The following ATP8B4 variants were observed in gnomAD, a reference collection of about 807,000 sequenced individuals.
The protein encoded by ATP8B4 is ATPase phospholipid transporting 8B4 (putative), also known as probable phospholipid-transporting ATPase IM.
A neutral mutation model predicts 145.6 loss-of-function variants in ATP8B4; 133 were observed. The observed-to-expected ratio is 0.91, with a 90% CI of 0.79 to 1.05. The LOEUF (loss-of-function observed/expected upper bound fraction) is 1.05. Ranked by LOEUF, ATP8B4 falls within the 50% of genes least tolerant of loss-of-function variation. ATP8B4 has a pLI of 0.00. For synonymous variants in ATP8B4, 507 were observed against 492.9 expected (o/e 1.03, Z -0.38); for missense variants, 1,458 against 1,425.2 (o/e 1.02, Z -0.37).
At chr15:50,088,423 ACTCCAGCCTCAGTGGCCT>A (rs1379308596) in intron 2 of ATP8B4, among the ~76,000 whole-genome samples, 1 of 151,510 alleles carries the variant, frequency 6.6e-6, no homozygotes, top group African/African-American at 2.4e-5. Flanking sequence ...TCTTCATTCA[ACTCCAGCCTCAGTGGCCT>A]CTTGTTCCTT....
chr15:49,931,833 A>T (rs1029896279), intron 15 of ATP8B4, among the ~76,000 whole-genome samples: 2 of 151,974 alleles, frequency 1.3e-5, no homozygotes, highest in Non-Finnish European at 2.9e-5. Context: ...GTCTGCCACT[A>T]ATGACCATTT....
intron 25 of ATP8B4, among the ~76,000 whole-genome samples, chr15:49,873,337 A>G (rs28679738): frequency 0.088 from 13,363 of 152,288 alleles, 1,653 homozygotes; most frequent in African/African-American, 0.27. Flanking sequence ...TATGTACTAC[A>G]TGAAACTTTG....
rs1447848433 is a variant in ATP8B4, at chr15:49,979,796, T to C, written c.855A>G (p.Ile285Met). Residue 285 changes from isoleucine (I) to methionine (M), a missense_variant, in exon 12 of 28, where the codon ATA becomes ATG. Transcript: ENST00000284509. Reference sequence around the variant, plus strand: ...CTATTGCAAGAATAATTCCCAAGCATATCAGAAACCCAAAAATCTGAAATA... The same window carrying C: ...CTATTGCAAGAATAATTCCCAAGCACATCAGAAACCCAAAAATCTGAAATA... ...TLVLWIFGFLICLGIILAIGN... is the reference protein window; with the variant it reads ...TLVLWIFGFLMCLGIILAIGN... 6 of 1,588,140 alleles carry C rather than the reference T, an allele frequency of 3.8e-6. No individual in the cohort carries two copies. The highest frequency in any genetic ancestry group is 5.2e-6 in the Non-Finnish European group (6 of 1,164,904).
chr15:49,937,789 T>G (rs1010897785), intron 14 of ATP8B4, among the ~76,000 whole-genome samples: 2 of 152,186 alleles, frequency 1.3e-5, no homozygotes, highest in Non-Finnish European at 2.9e-5. Context: ...TTTCAGGATA[T>G]ATCAGCCATT....
At chr15:50,100,246 A>C (rs1442438275) in intron 2 of ATP8B4, among the ~76,000 whole-genome samples, 2 of 152,106 alleles carry the variant, frequency 1.3e-5, no homozygotes, top group Non-Finnish European at 2.9e-5. Context: ...GCAGACGTGA[A>C]CTTTCTCACT....
chr15:49,936,925 T>G (rs2041787295), intron 14 of ATP8B4, among the ~76,000 whole-genome samples: 1 of 152,002 alleles, frequency 6.6e-6, no homozygotes, highest in Non-Finnish European at 1.5e-5. Context: ...GTCAAGATTT[T>G]TTTTTTTAAT....
intron 3 of ATP8B4, among the ~76,000 whole-genome samples, chr15:50,068,428 G>T (rs760728018): frequency 6.6e-6 from 1 of 152,136 alleles, no homozygotes; most frequent in Non-Finnish European, 1.5e-5. Context: ...TATCAACAAG[G>T]CATTTGCAGA....
intron 2 of ATP8B4, among the ~76,000 whole-genome samples, chr15:50,096,960 C>T (rs1303328143): frequency 6.6e-6 from 1 of 152,054 alleles, no homozygotes; most frequent in South Asian, 2.1e-4. Context: ...GCCAGCACCA[C>T]GTGGTACTTC....
At chr15:50,012,560 C>T (rs2048795182) in intron 6 of ATP8B4, among the ~76,000 whole-genome samples, 1 of 152,166 alleles carries the variant, frequency 6.6e-6, no homozygotes, top group Non-Finnish European at 1.5e-5. Context: ...ATTGGACACA[C>T]TTTTCAGGTT....
intron 1 of ATP8B4, among the ~76,000 whole-genome samples, chr15:50,133,124 A>G (rs2044071453): frequency 6.6e-6 from 1 of 152,208 alleles, no homozygotes; most frequent in South Asian, 2.1e-4. Context: ...AAAAAACTTG[A>G]AGTTTTGTAC....
At position 50,096,910 on chromosome 15, in the gene ATP8B4, T is replaced by G. The variant is rs558091700; in HGVS notation, c.28+10029A>C. Among the ~76,000 whole-genome samples, 3 of 152,298 alleles carry G rather than the reference T, an allele frequency of 2.0e-5. No individual in the cohort carries two copies. In the South Asian group the frequency reaches 6.2e-4, roughly 32 times the overall value. On this transcript the variant is annotated intron_variant, in intron 2 of 27. Transcript: ENST00000284509. ...CAGAACCCCAAAGTTATGAGAGGGC[T>G]TTTGTGAAGCCAGCACTGTCTTATG...
At chr15:50,003,194 C>T (rs2048033978) in intron 7 of ATP8B4, among the ~76,000 whole-genome samples, 1 of 151,502 alleles carries the variant, frequency 6.6e-6, no homozygotes, top group South Asian at 2.1e-4. Context: ...GTTCTTGAAT[C>T]TTGGGGGTTA....
At chr15:50,133,911 G>A (rs766742440) in intron 1 of ATP8B4, among the ~76,000 whole-genome samples, 1 of 152,254 alleles carries the variant, frequency 6.6e-6, no homozygotes, top group East Asian at 1.9e-4. Flanking sequence ...CAAGGCAGGA[G>A]GATCGCTGAG....
At chr15:49,951,540 A>C (rs1415024707) in intron 14 of ATP8B4, among the ~76,000 whole-genome samples, 1 of 150,728 alleles carries the variant, frequency 6.6e-6, no homozygotes, top group Non-Finnish European at 1.5e-5. Flanking sequence ...TTTGCTTTCC[A>C]TTTTCTTGAT....
intron 3 of ATP8B4, among the ~76,000 whole-genome samples, chr15:50,053,392 T>A (rs992233157): frequency 1.3e-5 from 2 of 152,210 alleles, no homozygotes; most frequent in African/African-American, 4.8e-5. Flanking sequence ...AAAGCAGTTA[T>A]CTCTTCTGCT....
intron 11 of ATP8B4, 88 bp downstream of exon 11, chr15:49,981,118 T>C: frequency 8.8e-7 from 1 of 1,137,216 alleles, no homozygotes; most frequent in Non-Finnish European, 1.3e-6. Context: ...ACAAGGAGAA[T>C]GTAGGCTTCT....
At chr15:50,155,702 T>C (rs1249521160) in intron 1 of ATP8B4, among the ~76,000 whole-genome samples, 1 of 152,136 alleles carries the variant, frequency 6.6e-6, no homozygotes, top group Non-Finnish European at 1.5e-5. Context: ...TATGTACATA[T>C]GCATAAATAT....
At chr15:50,107,613 A>G (rs2056748930) in intron 1 of ATP8B4, among the ~76,000 whole-genome samples, 1 of 152,188 alleles carries the variant, frequency 6.6e-6, no homozygotes, top group Non-Finnish European at 1.5e-5. Context: ...TAAATGAAGG[A>G]GCAAACAAGT....
rs775878069 is a variant in ATP8B4, at chr15:49,920,287, G to C, written c.1882C>G (p.Arg628Gly). The change falls in exon 18 of 28, where the codon CGA becomes GGA. Residue 628 changes from arginine (R) to glycine (G), a missense_variant. Transcript: ENST00000284509. ...ANAATEERDE[R>G]IAGLYEEIER... ...ATTTCTTCATATAGCCCAGCTATTC[G>C]TTCATCCCTCTCTTCTGTGGCAGCA... 6.2e-7 allele frequency: 1 copy of C among 1,614,060 alleles called. No individual in the cohort carries two copies. Among genetic ancestry groups the C allele is most frequent in the Non-Finnish European group, 8.5e-7 (1 of 1,180,026 alleles).
Sources: allele counts gnomAD v4.1 joint callset (sites outside exome capture counted in the v4.1 genomes callset), GRCh38; gene constraint gnomAD v4.1.1; transcripts MANE v1.5; gene names NCBI Gene and HGNC (gene_info 2026-07-23, HGNC 2026-07-21).